The following PPP3CA variants were observed in gnomAD, a reference collection of about 807,000 sequenced individuals.
PPP3CA encodes the protein protein phosphatase 3 catalytic subunit alpha, also known as CAM-PRP catalytic subunit.
PPP3CA carries 14 observed loss-of-function variants against 66.5 expected under a neutral mutation model. The observed-to-expected ratio is 0.21, with a 90% CI of 0.14 to 0.33. The LOEUF is 0.33. Ranked by LOEUF, PPP3CA falls within the 10% of genes least tolerant of loss-of-function variation. The pLI is 1.00. For synonymous variants in PPP3CA, 232 were observed against 226.2 expected (o/e 1.03, Z -0.23); for missense variants, 317 against 639.5 (o/e 0.50, Z 5.44).
At chr4:101,210,774 G>A (rs1578557425) in intron 1 of PPP3CA, among the ~76,000 whole-genome samples, 1 of 151,922 alleles carries the variant, frequency 6.6e-6, no homozygotes, top group Admixed American at 6.6e-5. Context: ...TAAAACATTC[G>A]CTGCCAGTAT....
chr4:101,318,664 G>C (rs982318237), intron 1 of PPP3CA, among the ~76,000 whole-genome samples: 2 of 152,068 alleles, frequency 1.3e-5, no homozygotes, highest in African/African-American at 2.4e-5. Context: ...ATAATCAATG[G>C]CTTCCAATAA....
chr4:101,123,246 T>C (rs1384055002), intron 2 of PPP3CA, among the ~76,000 whole-genome samples: 1 of 152,184 alleles, frequency 6.6e-6, no homozygotes, highest in African/African-American at 2.4e-5. Context: ...GCCTGGCACA[T>C]AGGGGATCCT....
chr4:101,139,696 G>GTTTTTTTTTTTTTTTTTTTTTTTTGT (rs372257350), intron 2 of PPP3CA, among the ~76,000 whole-genome samples: 2 of 98,404 alleles, frequency 2.0e-5, no homozygotes, highest in Non-Finnish European at 3.9e-5. Flanking sequence ...TTTTTTTTGT[G>GTTTTTTTTTTTTTTTTTTTTTTTTGT]TTTTTTTTTT....
At chr4:101,202,906 C>A (rs931150091) in intron 1 of PPP3CA, among the ~76,000 whole-genome samples, 1 of 152,118 alleles carries the variant, frequency 6.6e-6, no homozygotes, top group Non-Finnish European at 1.5e-5. Flanking sequence ...CTATACCAGT[C>A]CTGAGCCTTC....
chr4:101,050,616 A>G (rs534631733), intron 10 of PPP3CA, among the ~76,000 whole-genome samples: 5 of 152,328 alleles, frequency 3.3e-5, no homozygotes, highest in East Asian at 1.9e-4. Flanking sequence ...TCTAAGGAAC[A>G]AAACATTATT....
chr4:101,297,064 G>A (rs1728220723), intron 1 of PPP3CA, among the ~76,000 whole-genome samples: 2 of 152,104 alleles, frequency 1.3e-5, no homozygotes, highest in African/African-American at 4.8e-5. Flanking sequence ...AAATACCATG[G>A]TTCAGAGACA....
chr4:101,131,625 G>T (rs1479115182), intron 2 of PPP3CA, among the ~76,000 whole-genome samples: 2 of 152,104 alleles, frequency 1.3e-5, no homozygotes, highest in African/African-American at 4.8e-5. Context: ...GACCTACAAA[G>T]AGACTTAGAC....
chr4:101,342,406 T>C (rs1353039953), intron 1 of PPP3CA, among the ~76,000 whole-genome samples: 1 of 152,200 alleles, frequency 6.6e-6, no homozygotes, highest in Admixed American at 6.5e-5. Context: ...ACTTGTGTTA[T>C]ATTCACTTTA....
At chr4:101,110,510 A>G (rs1721633690) in intron 2 of PPP3CA, among the ~76,000 whole-genome samples, 1 of 149,254 alleles carries the variant, frequency 6.7e-6, no homozygotes, top group Non-Finnish European at 1.5e-5. Context: ...AATACTAACA[A>G]AATGGCTGTA....
At chr4:101,183,516 T>C (rs1329770546) in intron 2 of PPP3CA, among the ~76,000 whole-genome samples, 1 of 152,110 alleles carries the variant, frequency 6.6e-6, no homozygotes, top group Non-Finnish European at 1.5e-5. Context: ...TATGATCAAC[T>C]CAATCCTACA....
intron 1 of PPP3CA, among the ~76,000 whole-genome samples, chr4:101,338,530 T>C (rs775288924): frequency 1.3e-5 from 2 of 152,188 alleles, no homozygotes; most frequent in Non-Finnish European, 2.9e-5. Flanking sequence ...GACACAAAAG[T>C]AGATAGAACT....
At chr4:101,311,998 T>C (rs1408719258) in intron 1 of PPP3CA, among the ~76,000 whole-genome samples, 1 of 152,200 alleles carries the variant, frequency 6.6e-6, no homozygotes, top group Non-Finnish European at 1.5e-5. Flanking sequence ...TATGTATCAT[T>C]TAAAAACTAA....
intron 10 of PPP3CA, among the ~76,000 whole-genome samples, chr4:101,049,551 T>A (rs1261797052): frequency 6.6e-6 from 1 of 152,120 alleles, no homozygotes; most frequent in African/African-American, 2.4e-5. Context: ...CCTGGATGTC[T>A]AATCAAAGAT....
At chr4:101,319,570 G>C (rs1728978492) in intron 1 of PPP3CA, among the ~76,000 whole-genome samples, 1 of 152,106 alleles carries the variant, frequency 6.6e-6, no homozygotes, top group African/African-American at 2.4e-5. Flanking sequence ...CAAATGGGCA[G>C]ATTAGATGAT....
intron 2 of PPP3CA, among the ~76,000 whole-genome samples, chr4:101,188,058 TC>T (rs537083729): frequency 3.6e-4 from 55 of 152,246 alleles, no homozygotes; most frequent in African/African-American, 1.3e-3. Flanking sequence ...CCAGATGGCA[TC>T]TTAAATTAGA....
intron 1 of PPP3CA, among the ~76,000 whole-genome samples, chr4:101,339,363 A>T (rs1171692141): frequency 6.6e-6 from 1 of 152,198 alleles, no homozygotes; most frequent in Admixed American, 6.5e-5. Flanking sequence ...TCAGAAATTG[A>T]CCAGCCTAAA....
intron 2 of PPP3CA, among the ~76,000 whole-genome samples, chr4:101,156,572 C>T (rs961972166): frequency 2.3e-4 from 35 of 152,054 alleles, no homozygotes; most frequent in Admixed American, 1.2e-3. Flanking sequence ...CCCAGCTACT[C>T]GGGAGACTGA....
intron 1 of PPP3CA, among the ~76,000 whole-genome samples, chr4:101,342,342 AGTCTCAATT>A (rs1352477768): frequency 6.6e-5 from 10 of 152,332 alleles, no homozygotes; most frequent in Admixed American, 3.9e-4. Flanking sequence ...CCTGAATCCC[AGTCTCAATT>A]GTTGCATTAA....
At chr4:101,193,698 T>C (rs1051426184) in intron 2 of PPP3CA, among the ~76,000 whole-genome samples, 1 of 152,152 alleles carries the variant, frequency 6.6e-6, no homozygotes, top group Non-Finnish European at 1.5e-5. Flanking sequence ...TAAAACATAA[T>C]GAATTTTTAG....
Sources: allele counts gnomAD v4.1 joint callset (sites outside exome capture counted in the v4.1 genomes callset), GRCh38; gene constraint gnomAD v4.1.1; transcripts MANE v1.5; gene names NCBI Gene and HGNC (gene_info 2026-07-23, HGNC 2026-07-21).